The following CORIN variants were observed in gnomAD, a reference collection of about 807,000 sequenced individuals.
CORIN encodes corin, serine peptidase.
A neutral mutation model predicts 125.3 loss-of-function variants in CORIN; 117 were observed. That is an observed-to-expected ratio of 0.93 (90% confidence interval 0.80 to 1.09). The LOEUF (loss-of-function observed/expected upper bound fraction) is 1.09, where lower values mean the gene tolerates loss of function less well. Ranked by LOEUF, CORIN falls within the 50% of genes least tolerant of loss-of-function variation. The pLI is 0.00. For synonymous variants in CORIN, 450 were observed against 466.4 expected, an observed-to-expected ratio of 0.96 and a Z score of 0.45; for missense variants, 1,253 against 1,306.7, an observed-to-expected ratio of 0.96 and a Z score of 0.63.
chr4:47,599,472 A>G (rs889628121), intron 21 of CORIN, among the ~76,000 whole-genome samples: 2 of 127,982 alleles, frequency 1.6e-5, no homozygotes, highest in African/African-American at 3.0e-5. Context: ...TCACAGCAGC[A>G]TAGTATAATA....
chr4:47,682,911 T>G (rs1725351163), intron 7 of CORIN: 1 of 152,246 alleles, frequency 6.6e-6, no homozygotes, highest in Admixed American at 6.5e-5. Context: ...AGCATGGGGT[T>G]ATTCCTAACA....
intron 13 of CORIN, among the ~76,000 whole-genome samples, chr4:47,646,354 T>C (rs1340424825): frequency 2.0e-5 from 3 of 152,212 alleles, no homozygotes; most frequent in Non-Finnish European, 2.9e-5. Flanking sequence ...TATTACTTTA[T>C]GGTAGTCAGA....
intron 16 of CORIN, among the ~76,000 whole-genome samples, chr4:47,627,222 G>T (rs1423988208): frequency 1.3e-5 from 2 of 151,960 alleles, no homozygotes; most frequent in Admixed American, 6.6e-5. Flanking sequence ...ACCTCAAGTG[G>T]TCTGCCCACC....
At chr4:47,738,063 C>T (rs908852943) in intron 5 of CORIN, among the ~76,000 whole-genome samples, 1 of 151,864 alleles carries the variant, frequency 6.6e-6, no homozygotes, top group African/African-American at 2.4e-5. Flanking sequence ...TTGGGGCAAA[C>T]AAGAAGCTAA....
rs1479004156 is a variant in CORIN at position 47,683,762 on chromosome 4, G to A, written c.990C>T (p.Asp330=). ...TTTGCTCATCACTCAAATCCCCACA[G>A]TCATCATATCCATCACACACAAGGC... The part of the protein sequence containing the change: ...NYSLVCDGYD[D]CGDLSDEQNC... Residue 330 remains aspartate, a synonymous_variant, in exon 7 of 22, where the codon GAC becomes GAT. Transcript: ENST00000273857. 6.2e-7 allele frequency: 1 copy of A among 1,613,644 alleles called. No homozygotes were observed. The highest frequency in any genetic ancestry group is 8.5e-7 in the Non-Finnish European group (1 of 1,179,702).
At chr4:47,596,044 G>T in intron 21 of CORIN, 141 bp from the exon 22 acceptor site, 1 of 551,080 alleles carries the variant, frequency 1.8e-6, no homozygotes, top group Non-Finnish European at 3.0e-6. Flanking sequence ...GTCAGCCTGT[G>T]GAGGAGTTGT....
chr4:47,597,449 C>T (rs528131070), intron 21 of CORIN, among the ~76,000 whole-genome samples: 8 of 152,040 alleles, frequency 5.3e-5, no homozygotes, highest in South Asian at 2.1e-4. Context: ...CTTTCCAATA[C>T]CCTAAGCCAA....
At chr4:47,832,371 AG>A (rs1733068635) in intron 1 of CORIN, among the ~76,000 whole-genome samples, 1 of 152,152 alleles carries the variant, frequency 6.6e-6, no homozygotes, top group South Asian at 2.1e-4. Flanking sequence ...ACTTCTTAAA[AG>A]AAAAAGAAGC....
intron 13 of CORIN, among the ~76,000 whole-genome samples, chr4:47,647,254 A>G: frequency 6.6e-6 from 1 of 152,196 alleles, no homozygotes; most frequent in South Asian, 2.1e-4. Flanking sequence ...ATTCTACCAG[A>G]GAGCAAAAGA....
At chr4:47,644,951 T>G in intron 14 of CORIN, 130 bp downstream of exon 14, 1 of 547,790 alleles carries the variant, frequency 1.8e-6, no homozygotes, top group Non-Finnish European at 3.3e-6. Context: ...AAGTGGAGTT[T>G]GATCAAAAGA....
intron 5 of CORIN, among the ~76,000 whole-genome samples, chr4:47,713,453 A>G (rs1005346065): frequency 2.0e-5 from 3 of 152,228 alleles, no homozygotes; most frequent in Non-Finnish European, 4.4e-5. Context: ...TCATGATTTT[A>G]TTAAAATTCT....
At chr4:47,816,074 A>G (rs61758471) in intron 1 of CORIN, among the ~76,000 whole-genome samples, 2 of 152,242 alleles carry the variant, frequency 1.3e-5, no homozygotes, top group Non-Finnish European at 2.9e-5. Context: ...GAAAATAATC[A>G]GGGAAAGCAT....
At chr4:47,805,684 C>A (rs998433146) in intron 2 of CORIN, among the ~76,000 whole-genome samples, 1 of 152,060 alleles carries the variant, frequency 6.6e-6, no homozygotes, top group Non-Finnish European at 1.5e-5. Context: ...ATTTTTATAG[C>A]AGATCAATGT....
Position 47,717,356 on chromosome 4 carries a change from A to G in CORIN, c.800-24273T>C, listed in dbSNP as rs191452513. 1.9e-3 allele frequency among the ~76,000 whole-genome samples: 285 copies of G among 152,280 alleles called. 2 individuals carry two copies. Among genetic ancestry groups the G allele is most frequent in the African/African-American group, 6.2e-3 (259 of 41,554 alleles). On this transcript the variant is annotated intron_variant, in intron 5 of 21. Coordinates refer to ENST00000273857, the MANE Select transcript of CORIN (RefSeq NM_006587.4). Reference sequence around the variant, plus strand: ...CTTCTCTATTGTTCTTATCAAATGCAGACTCCCGGGATCTCAGCTTCAAAG... The same window carrying G: ...CTTCTCTATTGTTCTTATCAAATGCGGACTCCCGGGATCTCAGCTTCAAAG...
Position 47,806,987 on chromosome 4 carries a change from TAGC to T in CORIN, c.121_123del (p.Ala41del), listed in dbSNP as rs771501347. The stretch of plus-strand genomic sequence containing the variant: ...ACCAGCAATAGGAACCGGAGGAGGT[TAGC>T]AGTCGCCAGCTTCTGAGAGCAGCCA... On this transcript the variant is annotated inframe_deletion, in exon 2 of 22. Coordinates refer to ENST00000273857, the MANE Select transcript of CORIN (RefSeq NM_006587.4). 1.9e-6 allele frequency: 3 copies of T among 1,614,034 alleles called. No homozygotes were observed. Among genetic ancestry groups the T allele is most frequent in the Non-Finnish European group, 2.5e-6 (3 of 1,179,920 alleles).
intron 2 of CORIN, among the ~76,000 whole-genome samples, chr4:47,805,448 T>C (rs1177194877): frequency 6.6e-6 from 1 of 152,164 alleles, no homozygotes; most frequent in African/African-American, 2.4e-5. Context: ...TGATTTCTGT[T>C]GATTTTAATG....
intron 21 of CORIN, 88 bp downstream of exon 21, chr4:47,600,126 C>A: frequency 8.5e-7 from 1 of 1,174,752 alleles, no homozygotes; most frequent in Non-Finnish European, 1.2e-6. Context: ...AAAATGTTTC[C>A]AAAGGGCCAT....
intron 5 of CORIN, among the ~76,000 whole-genome samples, chr4:47,735,005 C>T (rs556573270): frequency 7.9e-5 from 12 of 151,936 alleles, no homozygotes; most frequent in East Asian, 7.7e-4. Flanking sequence ...TGGAATGATA[C>T]GCAGAAAAGA....
chr4:47,601,651 G>T (rs1192730069), intron 20 of CORIN, among the ~76,000 whole-genome samples: 1 of 152,008 alleles, frequency 6.6e-6, no homozygotes, highest in East Asian at 1.9e-4. Context: ...ATTGTAGGAG[G>T]AATATAAGCA....
Sources: gnomAD v4.1 joint callset for allele counts (sites outside exome capture counted in the v4.1 genomes callset) on GRCh38, gnomAD v4.1.1 for gene constraint, MANE v1.5 for transcripts, NCBI Gene and HGNC (gene_info 2026-07-23, HGNC 2026-07-21) for gene names.